Variants in GALNTL6 observed in about 807,000 individuals in gnomAD.
GALNTL6 encodes polypeptide N-acetylgalactosaminyltransferase like 6.
GALNTL6 carries 46 observed loss-of-function variants against 73.7 expected under a neutral mutation model. The observed-to-expected ratio is 0.62, with a 90% CI of 0.49 to 0.80. The LOEUF (loss-of-function observed/expected upper bound fraction) is 0.80. GALNTL6 is among the 30% of genes least tolerant of loss of function. GALNTL6 has a pLI of 0.00. For synonymous variants in GALNTL6, 259 were observed against 263.7 expected (o/e 0.98, Z 0.17); for missense variants, 604 against 755.0 (o/e 0.80, Z 2.34).
chr4:172,013,407 AG>A (rs1741083050), intron 2 of GALNTL6, among the ~76,000 whole-genome samples: 1 of 152,070 alleles, frequency 6.6e-6, no homozygotes, highest in Non-Finnish European at 1.5e-5. Flanking sequence ...AAAAATATAC[AG>A]TATTTGTCTT....
chr4:172,015,042 A>T (rs1307144099), intron 2 of GALNTL6, among the ~76,000 whole-genome samples: 1 of 152,128 alleles, frequency 6.6e-6, no homozygotes, highest in Non-Finnish European at 1.5e-5. Context: ...GTTGGGTAGA[A>T]TGTTCTGTAA....
intron 5 of GALNTL6, among the ~76,000 whole-genome samples, chr4:172,428,039 T>C (rs942582163): frequency 1.3e-5 from 2 of 152,158 alleles, no homozygotes; most frequent in African/African-American, 4.8e-5. Context: ...CAAAGACTTA[T>C]TAAAGAAGTT....
intron 8 of GALNTL6, among the ~76,000 whole-genome samples, chr4:172,903,275 A>ACTT (rs375815470): frequency 1.5e-4 from 23 of 152,282 alleles, no homozygotes; most frequent in African/African-American, 5.5e-4. Flanking sequence ...AAAGATGGAG[A>ACTT]CTTATACTTC....
At chr4:172,659,643 G>C (rs1731267584) in intron 5 of GALNTL6, among the ~76,000 whole-genome samples, 1 of 152,108 alleles carries the variant, frequency 6.6e-6, no homozygotes, top group African/African-American at 2.4e-5. Context: ...TAATTGGATA[G>C]GCCATAGTCT....
intron 10 of GALNTL6, among the ~76,000 whole-genome samples, chr4:172,964,782 A>G (rs900930630): frequency 6.6e-6 from 1 of 152,232 alleles, no homozygotes; most frequent in Non-Finnish European, 1.5e-5. Flanking sequence ...TGAGGATGCG[A>G]TGTTGTCTCT....
At chr4:172,174,036 G>GT (rs1488615635) in intron 2 of GALNTL6, among the ~76,000 whole-genome samples, 1 of 152,134 alleles carries the variant, frequency 6.6e-6, no homozygotes, top group East Asian at 1.9e-4. Context: ...TAACTTGGTT[G>GT]TTTTTTTCCT....
Position 172,003,844 on chromosome 4 carries a change from G to A in GALNTL6, c.138+189126G>A, listed in dbSNP as rs143851337. Among the ~76,000 whole-genome samples, 647 of 152,126 alleles carry A rather than the reference G, an allele frequency of 4.3e-3. 11 individuals carry two copies. The highest frequency in any genetic ancestry group is 0.031 in the Admixed American group (475 of 15,252). ...AAGGTCTTTACACCCTACTTATTTA[G>A]CTGTCAGAAGTACCTGTATCAAAAG... On this transcript the variant is annotated intron_variant, in intron 2 of 12. Transcript: ENST00000506823.
intron 2 of GALNTL6, among the ~76,000 whole-genome samples, chr4:172,158,864 A>G (rs1052873384): frequency 3.9e-5 from 6 of 152,194 alleles, no homozygotes; most frequent in African/African-American, 1.4e-4. Context: ...TTTATATGCT[A>G]TTAAAAATTC....
In GALNTL6 at chr4:172,069,555, G is replaced by A. The variant is rs796750912; in HGVS notation, c.139-160101G>A. On this transcript the variant is annotated intron_variant, in intron 2 of 12. Transcript: ENST00000506823. ...CATATATTATATATAACACATATATGTTATATATAACACATATATGTTATA... is the reference window on the plus strand; with the variant it reads ...CATATATTATATATAACACATATATATTATATATAACACATATATGTTATA... 4.4e-4 allele frequency among the ~76,000 whole-genome samples: 27 copies of A among 60,910 alleles called. 6 individuals are homozygous for A. Among genetic ancestry groups the A allele is most frequent in the East Asian group, 9.3e-4 (3 of 3,238 alleles). The allele number at this position is 60,910 out of a possible 152,430, so 40.0% of individuals were successfully genotyped here. A position where few individuals can be genotyped will look rare whatever the true frequency, so the allele number is the denominator to read the frequency against.
At chr4:172,126,895 C>T (rs922876508) in intron 2 of GALNTL6, among the ~76,000 whole-genome samples, 23 of 152,186 alleles carry the variant, frequency 1.5e-4, no homozygotes, top group Admixed American at 5.9e-4. Context: ...TGGCTGCTAC[C>T]TCCAGGGCTA....
intron 9 of GALNTL6, among the ~76,000 whole-genome samples, chr4:172,950,328 T>G (rs964600426): frequency 6.6e-5 from 10 of 152,268 alleles, no homozygotes; most frequent in Non-Finnish European, 1.5e-4. Flanking sequence ...AGGGAACAAT[T>G]CTCACAGTCT....
In GALNTL6 at chr4:172,000,259, G is replaced by GGTCA. The variant is rs1740631502; in HGVS notation, c.138+185542_138+185543insTCAG. ...TATGACTAATGAGGTCCGGCAGTAT[G>GGTCA]GAAAATAAACTCTCCTTGGTCAGAA... On this transcript the variant is annotated intron_variant, in intron 2 of 12. Coordinates refer to ENST00000506823, the MANE Select transcript of GALNTL6 (RefSeq NM_001034845.3). Among the ~76,000 whole-genome samples the GGTCA allele has an allele frequency of 4.6e-5, 7 of 152,218 alleles. No individual in the cohort carries two copies. In the South Asian group the frequency reaches 1.2e-3, roughly 27 times the overall value.
At chr4:171,869,021 C>T (rs534306027) in intron 2 of GALNTL6, among the ~76,000 whole-genome samples, 22 of 152,262 alleles carry the variant, frequency 1.4e-4, no homozygotes, top group African/African-American at 1.4e-4. Flanking sequence ...GAGAGCATTC[C>T]GCCTCTTCTA....
intron 2 of GALNTL6, among the ~76,000 whole-genome samples, chr4:171,821,838 A>G (rs927547806): frequency 2.0e-5 from 3 of 152,076 alleles, no homozygotes; most frequent in Non-Finnish European, 2.9e-5. Flanking sequence ...GAATAAGCCA[A>G]TAGAGTCTTA....
intron 7 of GALNTL6, among the ~76,000 whole-genome samples, chr4:172,822,402 A>T (rs1295450250): frequency 6.6e-6 from 1 of 152,104 alleles, no homozygotes; most frequent in Non-Finnish European, 1.5e-5. Context: ...AGACCTGTTC[A>T]TCCATCCTGA....
At chr4:172,067,470 C>A (rs1446747789) in intron 2 of GALNTL6, among the ~76,000 whole-genome samples, 1 of 152,004 alleles carries the variant, frequency 6.6e-6, no homozygotes, top group Non-Finnish European at 1.5e-5. Flanking sequence ...CAGCAGACCA[C>A]CAGATGTGTA....
At chr4:172,082,476 A>C (rs1031455115) in intron 2 of GALNTL6, among the ~76,000 whole-genome samples, 1 of 152,180 alleles carries the variant, frequency 6.6e-6, no homozygotes, top group Non-Finnish European at 1.5e-5. Context: ...AGATGAGATT[A>C]CCAAGGGAGA....
At chr4:172,905,836 A>AG (rs1746860713) in intron 8 of GALNTL6, among the ~76,000 whole-genome samples, 3 of 135,082 alleles carry the variant, frequency 2.2e-5, no homozygotes, top group Non-Finnish European at 4.9e-5. Context: ...AAAAAAAAAA[A>AG]GGAGAACAAG....
intron 5 of GALNTL6, among the ~76,000 whole-genome samples, chr4:172,592,496 A>G (rs1169453211): frequency 6.6e-6 from 1 of 152,140 alleles, no homozygotes; most frequent in African/African-American, 2.4e-5. Context: ...CACAACACCT[A>G]CTTTCATATT....
Sources: allele counts gnomAD v4.1 joint callset (sites outside exome capture counted in the v4.1 genomes callset), GRCh38; gene constraint gnomAD v4.1.1; transcripts MANE v1.5; gene names NCBI Gene and HGNC (gene_info 2026-07-23, HGNC 2026-07-21).